CDK14: variants seen among roughly 807,000 people sequenced by gnomAD.
The protein encoded by CDK14 is cyclin-dependent kinase 14.
In CDK14, 34 loss-of-function variants were observed where a neutral mutation model predicts 60.7. The ratio of observed to expected loss-of-function variants is 0.56; its 90% CI spans 0.43 to 0.75. The LOEUF is 0.75. Among genes scored for constraint, CDK14 ranks in the 30% least tolerant of loss-of-function variants. CDK14 has a pLI of 0.00. For synonymous variants in CDK14, 197 were observed against 203.7 expected (o/e 0.97, Z 0.28); for missense variants, 482 against 564.1 (o/e 0.85, Z 1.47).
intron 14 of CDK14, among the ~76,000 whole-genome samples, chr7:91,180,239 G>T (rs1162362408): frequency 1.1e-4 from 17 of 152,156 alleles, no homozygotes; most frequent in Admixed American, 1.1e-3. Flanking sequence ...CTTTGCTAGG[G>T]ATACAAAATG....
At chr7:90,878,116 G>T (rs1193688099) in intron 6 of CDK14, among the ~76,000 whole-genome samples, 1 of 145,536 alleles carries the variant, frequency 6.9e-6, no homozygotes, top group Non-Finnish European at 1.5e-5. Context: ...GAGAGACAGA[G>T]AGAGAGAGAG....
chr7:90,758,925 A>G (rs534194992), intron 4 of CDK14, among the ~76,000 whole-genome samples: 1 of 152,202 alleles, frequency 6.6e-6, no homozygotes, highest in African/African-American at 2.4e-5. Context: ...GTGTGGTGGC[A>G]TGCACTTACA....
In CDK14 at chr7:90,599,131, A is replaced by G. The variant is rs561418295; in HGVS notation, c.91+2413A>G. 1.3e-3 allele frequency among the ~76,000 whole-genome samples: 198 copies of G among 152,366 alleles called. 1 individual carries two copies. The highest frequency in any genetic ancestry group is 4.5e-3 in the African/African-American group (189 of 41,592). On this transcript the variant is annotated intron_variant, in intron 1 of 14. Transcript: ENST00000380050. Reference sequence around the variant, plus strand: ...GTTTCCCATGTTGCCATGCCCAGCCAAGGTCTCTCAACTTCTCTGAGCTTC... The same window carrying G: ...GTTTCCCATGTTGCCATGCCCAGCCGAGGTCTCTCAACTTCTCTGAGCTTC...
chr7:90,739,324 C>T (rs191343389), intron 3 of CDK14, among the ~76,000 whole-genome samples: 1 of 152,228 alleles, frequency 6.6e-6, no homozygotes, highest in Admixed American at 6.5e-5. Flanking sequence ...TTAATGCATC[C>T]AAACCCAGTT....
At chr7:91,096,292 A>G (rs1372639316) in intron 12 of CDK14, among the ~76,000 whole-genome samples, 3 of 152,106 alleles carry the variant, frequency 2.0e-5, no homozygotes, top group African/African-American at 4.8e-5. Flanking sequence ...GGCTCCTTCT[A>G]TCTCTGATCA....
At chr7:91,199,700 A>G (rs966471480) in intron 14 of CDK14, among the ~76,000 whole-genome samples, 8 of 152,236 alleles carry the variant, frequency 5.3e-5, no homozygotes, top group Admixed American at 2.0e-4. Context: ...AGCTTTGCCT[A>G]AAATTTTTTA....
chr7:91,144,191 A>G (rs1800551858), intron 14 of CDK14, among the ~76,000 whole-genome samples: 1 of 152,196 alleles, frequency 6.6e-6, no homozygotes, highest in African/African-American at 2.4e-5. Flanking sequence ...TTTAAATACA[A>G]TTTCACTGTT....
rs556640353 is a variant in CDK14, at chr7:91,057,838, G to A, written c.1105+11878G>A. Among the ~76,000 whole-genome samples the A allele has an allele frequency of 9.2e-3, 1,403 of 151,946 alleles. 18 individuals are homozygous for A. Among genetic ancestry groups the A allele is most frequent in the Middle Eastern group, 0.034 (10 of 294 alleles). On this transcript the variant is annotated intron_variant, in intron 11 of 14. Transcript: ENST00000380050. ...GTAGTATAGTTTGAAGTCAGGTAGC[G>A]TGATGCCTCCAGCTTTGTTCTTTTG...
chr7:90,953,792 C>G (rs1794328687), intron 8 of CDK14, among the ~76,000 whole-genome samples: 1 of 152,152 alleles, frequency 6.6e-6, no homozygotes, highest in African/African-American at 2.4e-5. Flanking sequence ...CAAGTCAGAA[C>G]CTATTTCAGG....
At chr7:90,720,074 C>T (rs912034551) in intron 2 of CDK14, among the ~76,000 whole-genome samples, 3 of 152,000 alleles carry the variant, frequency 2.0e-5, no homozygotes, top group African/African-American at 4.8e-5. Flanking sequence ...AGAGGAGATT[C>T]GAAGGGAAAA....
chr7:90,909,350 T>C (rs1249538761), intron 7 of CDK14, among the ~76,000 whole-genome samples: 2 of 152,138 alleles, frequency 1.3e-5, no homozygotes, highest in Non-Finnish European at 2.9e-5. Flanking sequence ...AGCTTGTCTT[T>C]AACAGTTTCT....
intron 14 of CDK14, among the ~76,000 whole-genome samples, chr7:91,173,959 C>T (rs1448144349): frequency 6.6e-6 from 1 of 152,210 alleles, no homozygotes; most frequent in East Asian, 1.9e-4. Context: ...CCCACCACAG[C>T]TCAAGGAGGC....
chr7:90,745,322 A>G (rs1377944939), intron 3 of CDK14, among the ~76,000 whole-genome samples: 2 of 152,164 alleles, frequency 1.3e-5, no homozygotes, highest in South Asian at 2.1e-4. Flanking sequence ...TCTTGAGTAT[A>G]GTATTAATTA....
At chr7:90,855,611 A>G (rs911020395) in intron 5 of CDK14, among the ~76,000 whole-genome samples, 9 of 152,236 alleles carry the variant, frequency 5.9e-5, no homozygotes, top group African/African-American at 2.2e-4. Flanking sequence ...GTGATTTGGT[A>G]GCAGATTAAC....
intron 8 of CDK14, among the ~76,000 whole-genome samples, chr7:90,929,127 C>G (rs558180687): frequency 1.3e-5 from 2 of 152,216 alleles, no homozygotes; most frequent in Non-Finnish European, 2.9e-5. Context: ...TTTTCTGTCA[C>G]GGCTTCTCTT....
intron 5 of CDK14, among the ~76,000 whole-genome samples, chr7:90,841,401 T>C (rs1251782414): frequency 2.6e-5 from 4 of 152,010 alleles, no homozygotes. Context: ...AGGGACTATA[T>C]GGGAACCCTC....
intron 10 of CDK14, among the ~76,000 whole-genome samples, chr7:91,040,761 C>G (rs1266868130): frequency 2.6e-5 from 4 of 152,176 alleles, no homozygotes; most frequent in Non-Finnish European, 5.9e-5. Context: ...GAACCGTTAG[C>G]AGGTCTTGTT....
intron 11 of CDK14, among the ~76,000 whole-genome samples, chr7:91,055,114 A>G (rs1797511747): frequency 1.3e-5 from 2 of 152,180 alleles, no homozygotes; most frequent in Admixed American, 1.3e-4. Context: ...CAGGGAAATT[A>G]TTCTCCTACC....
chr7:91,154,130 A>G (rs1419073604), intron 14 of CDK14, among the ~76,000 whole-genome samples: 1 of 151,860 alleles, frequency 6.6e-6, no homozygotes, highest in Non-Finnish European at 1.5e-5. Context: ...ACATTTTAAT[A>G]TATTTCCAGG....
Sources: allele counts gnomAD v4.1 joint callset (sites outside exome capture counted in the v4.1 genomes callset), GRCh38; gene constraint gnomAD v4.1.1; transcripts MANE v1.5; gene names NCBI Gene and HGNC (gene_info 2026-07-23, HGNC 2026-07-21).